The following FUT8 variants were observed in gnomAD, a reference collection of about 807,000 sequenced individuals.
FUT8 encodes the protein alpha-(1,6)-fucosyltransferase.
FUT8 carries 29 observed loss-of-function variants against 71.3 expected under a neutral mutation model. The ratio of observed to expected loss-of-function variants is 0.41; its 90% CI spans 0.30 to 0.55. The LOEUF is 0.55. FUT8 is among the 20% of genes least tolerant of loss of function. FUT8 has a pLI of 0.34. For synonymous variants in FUT8, 254 were observed against 239.3 expected, an observed-to-expected ratio of 1.06 and a Z score of -0.57; for missense variants, 544 against 702.1, an observed-to-expected ratio of 0.77 and a Z score of 2.55.
chr14:65,683,996 C>T (rs974268414), intron 7 of FUT8, among the ~76,000 whole-genome samples: 3 of 151,248 alleles, frequency 2.0e-5, no homozygotes, highest in African/African-American at 7.3e-5. Context: ...TAAGTGAAAT[C>T]TCTTCTTTGA....
intron 6 of FUT8, chr14:65,636,527 G>A (rs1890566843): frequency 6.6e-6 from 1 of 152,088 alleles, no homozygotes; most frequent in African/African-American, 2.4e-5. Context: ...TATCCCAGAG[G>A]TTATGGTAGG....
rs879152220 is a variant in FUT8 at position 65,652,620 on chromosome 14, C to T, written c.598-16623C>T. ...TCTGATTTTCTTATTAGGTAAACAA[C>T]GTGTTCTTAGTGCTTAAGCACTTTT... On this transcript the variant is annotated intron_variant, in intron 6 of 10. Coordinates refer to ENST00000673929, the MANE Select transcript of FUT8 (RefSeq NM_001371533.1). This position sits in a 1 kb window ranked among gnomAD's most constrained non-coding sequence, Gnocchi z 4.0. 2.0e-5 allele frequency among the ~76,000 whole-genome samples: 3 copies of T among 151,134 alleles called. No individual in the cohort carries two copies. The highest frequency in any genetic ancestry group is 1.3e-4 in the Admixed American group (2 of 15,166).
At chr14:65,735,050 A>G (rs1362190300) in intron 10 of FUT8, among the ~76,000 whole-genome samples, 2 of 152,166 alleles carry the variant, frequency 1.3e-5, no homozygotes, top group Non-Finnish European at 2.9e-5. Context: ...TAGTCACAAG[A>G]TTCTAAAGTT....
chr14:65,438,370 G>T (rs1445301449), intron 1 of FUT8, among the ~76,000 whole-genome samples: 1 of 152,124 alleles, frequency 6.6e-6, no homozygotes, highest in African/African-American at 2.4e-5. Context: ...AATTTCTGAA[G>T]TTCTCTTGTA....
intron 5 of FUT8, among the ~76,000 whole-genome samples, chr14:65,620,668 A>G (rs1221733464): frequency 6.6e-6 from 1 of 152,220 alleles, no homozygotes; most frequent in South Asian, 2.1e-4. Context: ...TTTCATATAC[A>G]CAAAAACAGA....
At chr14:65,403,886 ATTTG>A in the FUT8 span, among the ~76,000 whole-genome samples, 1 of 151,466 alleles carries the variant, frequency 6.6e-6, no homozygotes, top group South Asian at 2.1e-4. Context: ...GCCTTTCTAG[ATTTG>A]TTTCTTTTTC....
upstream of FUT8, chr14:65,412,480 A>G (rs2139341940): frequency 2.5e-6 from 1 of 394,552 alleles, no homozygotes; most frequent in African/African-American, 2.1e-5. Context: ...TTCAGGCGGT[A>G]GAGGGCGGCC....
At chr14:65,415,675 A>G (rs2065208994) in intron 1 of FUT8, among the ~76,000 whole-genome samples, 1 of 147,054 alleles carries the variant, frequency 6.8e-6, no homozygotes, top group South Asian at 2.2e-4. Context: ...AAAAGTAGAT[A>G]TAATTCCTTT....
chr14:65,444,902 T>C (rs1297659295), intron 1 of FUT8, among the ~76,000 whole-genome samples: 1 of 151,836 alleles, frequency 6.6e-6, no homozygotes, highest in East Asian at 1.9e-4. Context: ...AATGGATTAA[T>C]GTTGTTATAA....
chr14:65,626,394 C>T (rs188474552), intron 5 of FUT8, among the ~76,000 whole-genome samples: 1 of 152,234 alleles, frequency 6.6e-6, no homozygotes, highest in East Asian at 1.9e-4. Flanking sequence ...GTCTGGCTCC[C>T]AAAGCTCTCT....
In FUT8 at chr14:65,621,232, A is replaced by T. The variant is rs117147444; in HGVS notation, c.482+4859A>T. Among the ~76,000 whole-genome samples, 940 of 151,832 alleles carry T rather than the reference A, an allele frequency of 6.2e-3. 10 individuals carry two copies. Among genetic ancestry groups the T allele is most frequent in the East Asian group, 0.035 (183 of 5,166 alleles). On this transcript the variant is annotated intron_variant, in intron 5 of 10. Coordinates refer to ENST00000673929, the MANE Select transcript of FUT8 (RefSeq NM_001371533.1). ...AGCACAGTAGTCCTACAAGGTATGC[A>T]TTATTTGTTCCTGTTTTTTTTTTTG...
rs111598001 is a variant in FUT8, at chr14:65,603,416, C to G, written c.204-12562C>G. Among the ~76,000 whole-genome samples, 1,622 of 151,698 alleles carry G rather than the reference C, an allele frequency of 0.011. 38 individuals carry two copies. Among genetic ancestry groups the G allele is most frequent in the African/African-American group, 0.038 (1,556 of 41,422 alleles). On this transcript the variant is annotated intron_variant, in intron 3 of 10. Transcript: ENST00000673929. The surrounding 1 kb of genome is among the most constrained non-coding windows in gnomAD (Gnocchi z 4.5). ...GGTTTGAAATCAGGTAGTGTGATGC[C>G]TCCAGATTTGTTCTTTTTGCTCAGT... is the stretch of plus-strand genomic sequence containing the variant.
intron 2 of FUT8, among the ~76,000 whole-genome samples, chr14:65,519,584 A>T (rs1469869198): frequency 6.6e-6 from 1 of 152,194 alleles, no homozygotes; most frequent in Non-Finnish European, 1.5e-5. Flanking sequence ...AAAGCTGCTT[A>T]AAAATGTTTC....
At chr14:65,462,523 A>G (rs922967921) in intron 2 of FUT8, among the ~76,000 whole-genome samples, 1 of 152,196 alleles carries the variant, frequency 6.6e-6, no homozygotes, top group Non-Finnish European at 1.5e-5. Context: ...GATTTTAGAA[A>G]AATTCTTACT....
intron 1 of FUT8, among the ~76,000 whole-genome samples, chr14:65,442,841 TAAG>T (rs2065682193): frequency 6.7e-6 from 1 of 148,962 alleles, no homozygotes; most frequent in Admixed American, 6.7e-5. Context: ...AAAAAAAAAT[TAAG>T]AATACAGTAT....
At chr14:65,726,458 A>G (rs1447217864) in intron 9 of FUT8, among the ~76,000 whole-genome samples, 1 of 152,200 alleles carries the variant, frequency 6.6e-6, no homozygotes. Flanking sequence ...GTGAAAGGCA[A>G]TTCTCACATG....
At chr14:65,732,052 A>G (rs2139384566) in intron 9 of FUT8, among the ~76,000 whole-genome samples, 1 of 152,280 alleles carries the variant, frequency 6.6e-6, no homozygotes, top group Admixed American at 6.5e-5. Flanking sequence ...CCCAAGAATC[A>G]CATTAAAACT....
intron 7 of FUT8, among the ~76,000 whole-genome samples, chr14:65,706,414 T>C (rs1894554802): frequency 6.6e-6 from 1 of 152,202 alleles, no homozygotes. Context: ...ATCTCCCCTT[T>C]GCTAAGGGCA....
intron 6 of FUT8, among the ~76,000 whole-genome samples, chr14:65,651,015 A>T (rs1484888685): frequency 1.3e-5 from 2 of 152,030 alleles, no homozygotes; most frequent in Non-Finnish European, 2.9e-5. Context: ...TACCACTCCC[A>T]CTGGGCACTG....
Sources: allele counts gnomAD v4.1 joint callset (sites outside exome capture counted in the v4.1 genomes callset), GRCh38; gene constraint gnomAD v4.1.1; non-coding constraint Gnocchi (gnomAD v3.1); transcripts MANE v1.5; gene names NCBI Gene and HGNC (gene_info 2026-07-23, HGNC 2026-07-21).